The following SCML4 variants were observed in gnomAD, a reference collection of about 807,000 sequenced individuals.
The protein encoded by SCML4 is Scm polycomb group protein like 4.
A neutral mutation model predicts 41.1 loss-of-function variants in SCML4; 34 were observed. That is an observed-to-expected ratio of 0.83 (90% confidence interval 0.63 to 1.10). SCML4 has a LOEUF of 1.10. Ranked by LOEUF, SCML4 falls within the 50% of genes least tolerant of loss-of-function variation. SCML4 has a pLI of 0.00. For synonymous variants in SCML4, 214 were observed against 220.9 expected, an observed-to-expected ratio of 0.97 and a Z score of 0.28; for missense variants, 522 against 534.1, an observed-to-expected ratio of 0.98 and a Z score of 0.22.
At chr6:107,706,564 T>A (rs1722227161) in intron 7 of SCML4, among the ~76,000 whole-genome samples, 2 of 152,202 alleles carry the variant, frequency 1.3e-5, no homozygotes, top group Non-Finnish European at 2.9e-5. Flanking sequence ...GCACGACGTC[T>A]GGATTCTAGT....
At chr6:107,817,173 A>G (rs943193579) in intron 1 of SCML4, among the ~76,000 whole-genome samples, 3 of 152,196 alleles carry the variant, frequency 2.0e-5, no homozygotes, top group Non-Finnish European at 2.9e-5. Flanking sequence ...TGTACCCAGA[A>G]ATATGATTTC....
chr6:107,823,989 G>A (rs976479276), intron 1 of SCML4, 137 bp downstream of exon 1: 1 of 152,180 alleles, frequency 6.6e-6, no homozygotes, highest in Non-Finnish European at 1.5e-5. Flanking sequence ...TGGTTTTAGT[G>A]CAGGACACTC....
chr6:107,822,267 GTC>G (rs1222527460), intron 1 of SCML4, among the ~76,000 whole-genome samples: 3 of 152,108 alleles, frequency 2.0e-5, no homozygotes, highest in African/African-American at 7.2e-5. Context: ...CAGTATTTGG[GTC>G]TGGCTTGTTT....
intron 1 of SCML4, among the ~76,000 whole-genome samples, chr6:107,819,872 C>T (rs1407334107): frequency 6.6e-6 from 1 of 152,196 alleles, no homozygotes; most frequent in Admixed American, 6.5e-5. Flanking sequence ...TTCAGAGTGT[C>T]AAATGGACTG....
At chr6:107,802,806 C>T (rs950472176) in intron 1 of SCML4, among the ~76,000 whole-genome samples, 1 of 149,968 alleles carries the variant, frequency 6.7e-6, no homozygotes, top group Non-Finnish European at 1.5e-5. Flanking sequence ...CAAAGCTGGA[C>T]TGTACTGCTG....
At chr6:107,831,210 G>T in the SCML4 span, among the ~76,000 whole-genome samples, 2 of 152,050 alleles carry the variant, frequency 1.3e-5, no homozygotes, top group Non-Finnish European at 2.9e-5. Flanking sequence ...ATTTTTTAAA[G>T]TTCATGTAGA....
intron 1 of SCML4, among the ~76,000 whole-genome samples, chr6:107,821,131 T>C (rs1479520844): frequency 6.6e-6 from 1 of 152,204 alleles, no homozygotes; most frequent in East Asian, 1.9e-4. Context: ...TATCACCTTA[T>C]TGATAAAAGG....
intron 1 of SCML4, among the ~76,000 whole-genome samples, chr6:107,804,081 A>G (rs1250307566): frequency 2.0e-5 from 3 of 150,740 alleles, no homozygotes; most frequent in East Asian, 3.9e-4. Flanking sequence ...AAAAAAAAAA[A>G]AGAGCATTGG....
intron 1 of SCML4, among the ~76,000 whole-genome samples, chr6:107,812,301 G>A (rs925116557): frequency 1.3e-5 from 2 of 152,168 alleles, no homozygotes; most frequent in Admixed American, 1.3e-4. Context: ...CCCCACAGAT[G>A]AACTGAACAA....
intron 2 of SCML4, among the ~76,000 whole-genome samples, chr6:107,753,071 TA>T (rs1479785689): frequency 7.2e-5 from 11 of 152,274 alleles, no homozygotes; most frequent in African/African-American, 2.4e-4. Context: ...GGGATTAAAA[TA>T]TTTTTTTGCC....
chr6:107,796,289 AAG>A (rs1782707197), intron 1 of SCML4, among the ~76,000 whole-genome samples: 2 of 152,322 alleles, frequency 1.3e-5, no homozygotes, highest in South Asian at 4.1e-4. Context: ...CCAGCAATGT[AAG>A]AGAGGGCCAG....
rs1325692843 is a variant in SCML4 at position 107,707,881 on chromosome 6, C to G, written c.1104G>C (p.Glu368Asp). The change falls in exon 7 of 8, where the codon GAG (glutamate) becomes GAC (aspartate). Residue 368 changes from glutamate to aspartate, a missense_variant. Glu to Asp is a conservative substitution (Grantham distance 45). Coordinates refer to ENST00000369020, the MANE Select transcript of SCML4 (RefSeq NM_198081.5). ...ACTCGCATACGTGCTTTCTGAAGAGCTCCACGTGAGGCCCCAGAGCCTGTG... is the reference window on the plus strand; with the variant it reads ...ACTCGCATACGTGCTTTCTGAAGAGGTCCACGTGAGGCCCCAGAGCCTGTG... ...ADPQALGPHV[E>D]LFRKHEIDGN... The G allele has an allele frequency of 1.9e-6, 3 of 1,551,606 alleles. No individual in the cohort carries two copies. The highest frequency in any genetic ancestry group is 2.6e-6 in the Non-Finnish European group (3 of 1,147,016).
intron 5 of SCML4, among the ~76,000 whole-genome samples, chr6:107,722,943 G>T (rs539943956): frequency 6.6e-6 from 1 of 152,050 alleles, no homozygotes; most frequent in African/African-American, 2.4e-5. Context: ...ATTCAATAGA[G>T]AATTTTAAAA....
chr6:107,749,462 A>G (rs1484067263), intron 3 of SCML4, among the ~76,000 whole-genome samples: 1 of 152,122 alleles, frequency 6.6e-6, no homozygotes, highest in Admixed American at 6.5e-5. Context: ...CCTAAACCCA[A>G]GCTGCACTGA....
intron 1 of SCML4, among the ~76,000 whole-genome samples, chr6:107,823,475 G>A (rs899253903): frequency 6.6e-6 from 1 of 152,094 alleles, no homozygotes; most frequent in Non-Finnish European, 1.5e-5. Context: ...GAAAACTGCC[G>A]CTAATACTCC....
chr6:107,820,206 G>A (rs1183084646), intron 1 of SCML4, among the ~76,000 whole-genome samples: 1 of 152,180 alleles, frequency 6.6e-6, no homozygotes, highest in African/African-American at 2.4e-5. Flanking sequence ...AGAGAAGCAG[G>A]AGCCCAGCAA....
At chr6:107,773,227 C>T (rs1780653179) in intron 1 of SCML4, among the ~76,000 whole-genome samples, 1 of 152,132 alleles carries the variant, frequency 6.6e-6, no homozygotes, top group African/African-American at 2.4e-5. Context: ...AATTGTTCAG[C>T]ATGTACAATC....
At chr6:107,753,982 T>C (rs927763056) in intron 2 of SCML4, among the ~76,000 whole-genome samples, 18 of 152,094 alleles carry the variant, frequency 1.2e-4, no homozygotes, top group Admixed American at 3.3e-4. Flanking sequence ...TTCCCCAAGA[T>C]ATGGAAGCTG....
chr6:107,834,284 T>G, the SCML4 span, among the ~76,000 whole-genome samples: 1 of 152,250 alleles, frequency 6.6e-6, no homozygotes, highest in East Asian at 1.9e-4. Context: ...GACAGCCCCT[T>G]AACCCTGACG....
Sources: allele counts gnomAD v4.1 joint callset (sites outside exome capture counted in the v4.1 genomes callset), GRCh38; gene constraint gnomAD v4.1.1; transcripts MANE v1.5; gene names NCBI Gene and HGNC (gene_info 2026-07-23, HGNC 2026-07-21).